Variants in SYBU observed in about 807,000 individuals in gnomAD.
SYBU encodes the protein GOLSYN A protein.
In SYBU, 21 loss-of-function variants were observed where a neutral mutation model predicts 35.9. The ratio of observed to expected loss-of-function variants is 0.58; its 90% CI spans 0.41 to 0.84. The LOEUF (loss-of-function observed/expected upper bound fraction) is 0.84, where lower values mean the gene tolerates loss of function less well. Ranked by LOEUF, SYBU falls within the 40% of genes least tolerant of loss-of-function variation. The pLI, the probability that SYBU is intolerant of heterozygous loss-of-function variation, is 0.00. For missense variants in SYBU, 768 were observed against 848.2 expected, an observed-to-expected ratio of 0.91 and a Z score of 1.17; for synonymous variants, 319 against 324.3, an observed-to-expected ratio of 0.98 and a Z score of 0.18.
chr8:109,599,692 C>T (rs1162926756), intron 3 of SYBU, among the ~76,000 whole-genome samples: 1 of 152,194 alleles, frequency 6.6e-6, no homozygotes, highest in Admixed American at 6.5e-5. Context: ...CTCCTTGTGG[C>T]CCTGAGCAGT....
At chr8:109,591,014 GA>G (rs1264293647) in intron 3 of SYBU, among the ~76,000 whole-genome samples, 2 of 152,152 alleles carry the variant, frequency 1.3e-5, no homozygotes, top group Non-Finnish European at 2.9e-5. Context: ...GCATAAAAAA[GA>G]AAACTGTACT....
At chr8:109,664,201 A>T (rs36097362) in intron 1 of SYBU, among the ~76,000 whole-genome samples, 3,315 of 152,322 alleles carry the variant, frequency 0.022, 55 homozygotes, top group Non-Finnish European at 0.035. Context: ...GGCCCATGAC[A>T]TGATTTCTCT....
At chr8:109,669,112 G>GC (rs1312279255) in intron 1 of SYBU, among the ~76,000 whole-genome samples, 1 of 152,090 alleles carries the variant, frequency 6.6e-6, no homozygotes, top group Non-Finnish European at 1.5e-5. Context: ...GGAGGCTGAG[G>GC]CAGGTGGATC....
Position 109,582,448 on chromosome 8 carries a change from C to G in SYBU, c.531-2446G>C, listed in dbSNP as rs186220452. 1.2e-4 allele frequency among the ~76,000 whole-genome samples: 18 copies of G among 152,286 alleles called. No homozygotes were observed. In the East Asian group the frequency reaches 2.5e-3, roughly 21 times the overall value. On this transcript the variant is annotated intron_variant, in intron 4 of 6. Coordinates refer to ENST00000276646, the MANE Select transcript of SYBU (RefSeq NM_001099754.2). ...TGAAACCCAATGCTGTCCTCTTCAG[C>G]CCATCCCAGATCCTTCAGTCTGGTG...
rs146150968 is a variant in SYBU at position 109,601,454 on chromosome 8, C to G, written c.428-15292G>C. On this transcript the variant is annotated intron_variant, in intron 3 of 6. Coordinates refer to ENST00000276646, the MANE Select transcript of SYBU (RefSeq NM_001099754.2). ...ACTGGATGGGGGAGGCATGGAGAAA[C>G]AGTTCCAATGCTCAAGGGTTTCCTA... Among the ~76,000 whole-genome samples, 610 of 152,306 alleles carry G rather than the reference C, an allele frequency of 4.0e-3. 4 individuals are homozygous for G. Among genetic ancestry groups the G allele is most frequent in the African/African-American group, 0.013 (550 of 41,576 alleles).
intron 3 of SYBU, among the ~76,000 whole-genome samples, chr8:109,600,726 T>C (rs1825425002): frequency 6.6e-6 from 1 of 152,190 alleles, no homozygotes; most frequent in Admixed American, 6.5e-5. Context: ...GAAAGTCCTT[T>C]AATAAGGCAA....
At chr8:109,576,101 G>A in intron 6 of SYBU, 88 bp from the exon 7 acceptor site, 1 of 1,409,276 alleles carries the variant, frequency 7.1e-7, no homozygotes, top group Non-Finnish European at 9.3e-7. Flanking sequence ...AGTTCAGGCA[G>A]TTCTGGCACA....
At chr8:109,593,687 G>A (rs1824542073) in intron 3 of SYBU, among the ~76,000 whole-genome samples, 1 of 152,180 alleles carries the variant, frequency 6.6e-6, no homozygotes, top group Non-Finnish European at 1.5e-5. Flanking sequence ...ACCCTGCACT[G>A]GGGTTATTCC....
upstream of SYBU, among the ~76,000 whole-genome samples, chr8:109,685,549 G>A (rs1328913522): frequency 1.3e-5 from 2 of 152,178 alleles, no homozygotes; most frequent in African/African-American, 2.4e-5. Context: ...TTAAATTCTA[G>A]TAATATACAC....
chr8:109,654,303 C>G (rs1816271699), intron 1 of SYBU, among the ~76,000 whole-genome samples: 1 of 152,202 alleles, frequency 6.6e-6, no homozygotes, highest in Non-Finnish European at 1.5e-5. Flanking sequence ...CCAAATAGCT[C>G]TTGCTCAAAG....
At chr8:109,651,448 C>CTTTTTT (rs535652540) in intron 1 of SYBU, among the ~76,000 whole-genome samples, 3 of 64,464 alleles carry the variant, frequency 4.7e-5, no homozygotes, top group Non-Finnish European at 6.1e-5. Flanking sequence ...GAAATTGAGA[C>CTTTTTT]TTTTTTTTTT....
chr8:109,628,051 C>T (rs1813170734), intron 2 of SYBU, among the ~76,000 whole-genome samples: 1 of 152,208 alleles, frequency 6.6e-6, no homozygotes, highest in Admixed American at 6.5e-5. Flanking sequence ...CATTCATCCA[C>T]TTATTTTTCT....
At chr8:109,666,262 C>T (rs775586273) in intron 1 of SYBU, among the ~76,000 whole-genome samples, 2 of 152,044 alleles carry the variant, frequency 1.3e-5, no homozygotes, top group African/African-American at 4.8e-5. Context: ...TTCTGAACCT[C>T]GACACTATTA....
chr8:109,620,135 C>T (rs1812259795), intron 2 of SYBU, among the ~76,000 whole-genome samples: 1 of 152,248 alleles, frequency 6.6e-6, no homozygotes. Context: ...TTTTGATGAG[C>T]AGAACTGTAT....
chr8:109,682,756 A>C (rs1278796173), upstream of SYBU, among the ~76,000 whole-genome samples: 1 of 152,212 alleles, frequency 6.6e-6, no homozygotes, highest in Non-Finnish European at 1.5e-5. Context: ...TCTTTGCAGC[A>C]GTCCCTCCCA....
chr8:109,622,871 G>C (rs1357856738), intron 2 of SYBU, among the ~76,000 whole-genome samples: 1 of 152,196 alleles, frequency 6.6e-6, no homozygotes, highest in African/African-American at 2.4e-5. Flanking sequence ...CAAAGTGTGG[G>C]ATGTTCCACA....
At chr8:109,597,209 T>C (rs1824977919) in intron 3 of SYBU, among the ~76,000 whole-genome samples, 1 of 152,116 alleles carries the variant, frequency 6.6e-6, no homozygotes, top group Non-Finnish European at 1.5e-5. Flanking sequence ...AGTTGCTGGA[T>C]TATGCATACA....
intron 3 of SYBU, 92 bp from the exon 4 acceptor site, chr8:109,586,254 C>T (rs1304849324): frequency 1.0e-5 from 9 of 883,850 alleles, no homozygotes; most frequent in East Asian, 7.9e-5. Context: ...CTGCTCCCTG[C>T]GTTTGCACAC....
chr8:109,665,968 C>T (rs554560045), intron 1 of SYBU, among the ~76,000 whole-genome samples: 2 of 152,300 alleles, frequency 1.3e-5, no homozygotes, highest in East Asian at 3.9e-4. Context: ...TAGATGCCTG[C>T]TGTTCAGTTT....
Sources: gnomAD v4.1 joint callset for allele counts (sites outside exome capture counted in the v4.1 genomes callset) on GRCh38, gnomAD v4.1.1 for gene constraint, MANE v1.5 for transcripts, NCBI Gene and HGNC (gene_info 2026-07-23, HGNC 2026-07-21) for gene names.